Variants in KIF6 observed in about 807,000 individuals in gnomAD.
KIF6 encodes the protein kinesin family member 6.
In KIF6, 106 loss-of-function variants were observed where a neutral mutation model predicts 112.7. The observed-to-expected ratio is 0.94, with a 90% CI of 0.80 to 1.11. The LOEUF (loss-of-function observed/expected upper bound fraction) is 1.11. Ranked by LOEUF, KIF6 falls within the 50% of genes least tolerant of loss-of-function variation. The probability of loss-of-function intolerance (pLI) is 0.00; values close to 1 mark genes in which losing one functional copy is unlikely to be tolerated. For synonymous variants in KIF6, 339 were observed against 339.9 expected, an observed-to-expected ratio of 1.00 and a Z score of 0.03; for missense variants, 929 against 964.0, an observed-to-expected ratio of 0.96 and a Z score of 0.48.
intron 13 of KIF6, among the ~76,000 whole-genome samples, chr6:39,491,580 A>G (rs1005402730): frequency 1.3e-5 from 2 of 152,338 alleles, no homozygotes; most frequent in Middle Eastern, 3.4e-3. Flanking sequence ...AAATTGGGAT[A>G]TTACCATAAA....
chr6:39,391,229 G>A (rs1219812008), intron 15 of KIF6, among the ~76,000 whole-genome samples: 2 of 152,276 alleles, frequency 1.3e-5, no homozygotes, highest in East Asian at 3.9e-4. Context: ...TGGAGCTGAG[G>A]CCTTGAACTT....
intron 3 of KIF6, among the ~76,000 whole-genome samples, chr6:39,673,213 G>A (rs1786942853): frequency 6.6e-6 from 1 of 152,186 alleles, no homozygotes. Flanking sequence ...TAGGTTACAG[G>A]TAAGCAACCT....
At chr6:39,708,348 G>T (rs1789334836) in intron 3 of KIF6, among the ~76,000 whole-genome samples, 1 of 152,200 alleles carries the variant, frequency 6.6e-6, no homozygotes. Flanking sequence ...AAGGAAAAGA[G>T]AAATCTTCTT....
At chr6:39,622,392 C>T (rs754627833) in intron 5 of KIF6, among the ~76,000 whole-genome samples, 1 of 151,936 alleles carries the variant, frequency 6.6e-6, no homozygotes, top group Admixed American at 6.6e-5. Flanking sequence ...AGTTTAAATT[C>T]TTATAATGTA....
In KIF6 at chr6:39,375,413, C is replaced by G. The variant is rs144128336; in HGVS notation, c.1861+10209G>C. Among the ~76,000 whole-genome samples the G allele has an allele frequency of 4.6e-3, 693 of 152,268 alleles. 3 individuals carry two copies. The highest frequency in any genetic ancestry group is 0.016 in the African/African-American group (645 of 41,550). On this transcript the variant is annotated intron_variant, in intron 16 of 22. Transcript: ENST00000287152. ...TGTTAATTAGCTTGATTTAAACATT[C>G]TACATTGTATACACATATCACAACA...
chr6:39,407,120 CT>C (rs939257609), intron 15 of KIF6, among the ~76,000 whole-genome samples: 1 of 150,482 alleles, frequency 6.6e-6, no homozygotes, highest in African/African-American at 2.5e-5. Context: ...AAAAAGACTC[CT>C]GTTTTTTTTT....
Position 39,703,524 on chromosome 6 carries a change from A to G in KIF6, c.251+11168T>C. 2.0e-5 allele frequency among the ~76,000 whole-genome samples: 3 copies of G among 152,280 alleles called. No individual in the cohort carries two copies. The Middle Eastern group carries it at 0.01, about 518-fold the overall frequency. ...ATATTGGCAAAGCTTTATATAAAAT[A>G]ATATATATTCTTAGTGTTATCAATT... On this transcript the variant is annotated intron_variant, in intron 3 of 22. Transcript: ENST00000287152.
At chr6:39,596,012 G>A (rs1205936923) in intron 7 of KIF6, 42 bp downstream of exon 7, 1 of 1,476,926 alleles carries the variant, frequency 6.8e-7, no homozygotes, top group East Asian at 2.3e-5. Context: ...GTCAACACAT[G>A]GTAGCTATAG....
At chr6:39,416,462 G>A (rs1394721917) in intron 15 of KIF6, among the ~76,000 whole-genome samples, 4 of 152,144 alleles carry the variant, frequency 2.6e-5, no homozygotes, top group East Asian at 3.9e-4. Flanking sequence ...ATGGCTCTCC[G>A]ACAGAAACAC....
chr6:39,521,208 T>G (rs953485262), intron 13 of KIF6, among the ~76,000 whole-genome samples: 2 of 152,100 alleles, frequency 1.3e-5, no homozygotes, highest in African/African-American at 2.4e-5. Flanking sequence ...GAAGTAACAG[T>G]TAACATTGTC....
rs187086107 is a variant in KIF6 at position 39,420,636 on chromosome 6, G to A, written c.1755-633C>T. ...AGTTTGCTGATTCCTGTTATATACC[G>A]TTATTAAGCCAGATTTTGAAAATAC... On this transcript the variant is annotated intron_variant, in intron 14 of 22. Coordinates refer to ENST00000287152, the MANE Select transcript of KIF6 (RefSeq NM_145027.6). Among the ~76,000 whole-genome samples the A allele has an allele frequency of 6.3e-3, 964 of 152,146 alleles. 8 individuals carry two copies. The highest frequency in any genetic ancestry group is 0.022 in the African/African-American group (899 of 41,518).
chr6:39,554,127 C>T (rs556471367), intron 10 of KIF6: 12 of 157,952 alleles, frequency 7.6e-5, no homozygotes, highest in Middle Eastern at 6.0e-4. Context: ...AGGCAGAGAT[C>T]GAGGAACCGC....
chr6:39,671,884 T>C (rs1291922785), intron 3 of KIF6, among the ~76,000 whole-genome samples: 1 of 152,226 alleles, frequency 6.6e-6, no homozygotes, highest in Non-Finnish European at 1.5e-5. Flanking sequence ...TCTGGTTTCC[T>C]CCCATACTTC....
At chr6:39,385,585 C>T (rs760620630) in intron 16 of KIF6, 37 bp downstream of exon 16, 117 of 1,552,730 alleles carry the variant, frequency 7.5e-5, no homozygotes, top group Non-Finnish European at 9.8e-5. Flanking sequence ...GTTTATATTA[C>T]CTTCATCCTC....
intron 6 of KIF6, among the ~76,000 whole-genome samples, chr6:39,606,185 C>T (rs2150706339): frequency 6.6e-6 from 1 of 151,948 alleles, no homozygotes; most frequent in East Asian, 1.9e-4. Flanking sequence ...CTATTCACTT[C>T]TAATGGCACT....
At chr6:39,464,372 A>G (rs1400383608) in intron 13 of KIF6, among the ~76,000 whole-genome samples, 1 of 152,194 alleles carries the variant, frequency 6.6e-6, no homozygotes, top group Non-Finnish European at 1.5e-5. Context: ...TGCATAAGGG[A>G]GGCTTACCCT....
In KIF6 at chr6:39,431,630, A is replaced by G. The variant is rs138497176; in HGVS notation, c.1646-469T>C. ...TTCTGCTCTTAGTCTCTGTATAACA[A>G]TTCATTCTTGTTTCCTGTGGTTAGT... is the stretch of plus-strand genomic sequence containing the variant. On this transcript the variant is annotated intron_variant, in intron 13 of 22. Coordinates refer to ENST00000287152, the MANE Select transcript of KIF6 (RefSeq NM_145027.6). Among the ~76,000 whole-genome samples, 127 of 152,272 alleles carry G rather than the reference A, an allele frequency of 8.3e-4. 1 individual carries two copies. The highest frequency in any genetic ancestry group is 2.8e-3 in the African/African-American group (116 of 41,554).
chr6:39,422,274 C>G (rs1770427310), intron 14 of KIF6, among the ~76,000 whole-genome samples: 2 of 152,132 alleles, frequency 1.3e-5, no homozygotes, highest in South Asian at 2.1e-4. Context: ...ATGGAGTCCC[C>G]CAGCCTTGGC....
chr6:39,654,875 CA>C (rs1286192572), intron 3 of KIF6, among the ~76,000 whole-genome samples: 1 of 152,196 alleles, frequency 6.6e-6, no homozygotes, highest in African/African-American at 2.4e-5. Flanking sequence ...TAGTATTTCA[CA>C]GTATAAATGT....
Sources: gnomAD v4.1 joint callset for allele counts (sites outside exome capture counted in the v4.1 genomes callset) on GRCh38, gnomAD v4.1.1 for gene constraint, MANE v1.5 for transcripts, NCBI Gene and HGNC (gene_info 2026-07-23, HGNC 2026-07-21) for gene names.